Variants in PAG1 observed in about 807,000 individuals in gnomAD.
PAG1 encodes the protein phosphoprotein membrane anchor with glycosphingolipid microdomains 1.
PAG1 carries 23 observed loss-of-function variants against 31.7 expected under a neutral mutation model. That is an observed-to-expected ratio of 0.73 (90% CI 0.52 to 1.03). The LOEUF (loss-of-function observed/expected upper bound fraction) is 1.03, where lower values mean the gene tolerates loss of function less well. PAG1 is among the 50% of genes least tolerant of loss of function. The pLI is 0.00. For missense variants in PAG1, 473 were observed against 540.7 expected, an observed-to-expected ratio of 0.87 and a Z score of 1.24; for synonymous variants, 214 against 210.3, an observed-to-expected ratio of 1.02 and a Z score of -0.15.
At chr8:81,049,930 C>A (rs1205349707) in intron 2 of PAG1, among the ~76,000 whole-genome samples, 1 of 152,154 alleles carries the variant, frequency 6.6e-6, no homozygotes, top group Admixed American at 6.5e-5. Context: ...ACCTACCATA[C>A]AACAAACCCC....
chr8:81,024,370 C>T (rs1322975572), intron 3 of PAG1, among the ~76,000 whole-genome samples: 1 of 152,120 alleles, frequency 6.6e-6, no homozygotes. Context: ...ATCTGGAGAG[C>T]GGCTGACACC....
intron 2 of PAG1, among the ~76,000 whole-genome samples, chr8:81,057,877 A>G (rs1808853627): frequency 6.6e-6 from 1 of 152,304 alleles, no homozygotes; most frequent in Admixed American, 6.5e-5. Flanking sequence ...ACTTCTTTCC[A>G]CCATATATAT....
At chr8:81,084,596 G>A (rs1222011961) in intron 1 of PAG1, among the ~76,000 whole-genome samples, 2 of 152,054 alleles carry the variant, frequency 1.3e-5, no homozygotes, top group East Asian at 1.9e-4. Flanking sequence ...CCCTTAATAC[G>A]AGAGGTTTTT....
Position 80,973,992 on chromosome 8 carries a change from A to G in PAG1, c.*2552T>C, listed in dbSNP as rs1351044128. ...TTTAAAAGTACACTGAAAATACTTT[A>G]TATCACAGCTTATTCTAACCACTGG... is the stretch of plus-strand genomic sequence containing the variant. On this transcript the variant is annotated 3_prime_UTR_variant, in exon 9 of 9. Transcript: ENST00000220597. The G allele has an allele frequency of 6.6e-6, 1 of 152,190 alleles. No homozygotes were observed. The highest frequency in any genetic ancestry group is 2.4e-5 in the African/African-American group (1 of 41,438). The allele number at this position is 152,190 out of a possible 1,614,324, so 9.4% of individuals were successfully genotyped here.
chr8:81,049,383 A>G (rs1161811064), intron 2 of PAG1, among the ~76,000 whole-genome samples: 2 of 152,244 alleles, frequency 1.3e-5, no homozygotes, highest in Non-Finnish European at 2.9e-5. Context: ...AAAGCTATTA[A>G]TGTACAATGC....
intron 1 of PAG1, among the ~76,000 whole-genome samples, chr8:81,110,937 C>T (rs1809763639): frequency 6.6e-6 from 1 of 152,248 alleles, no homozygotes; most frequent in South Asian, 2.1e-4. Flanking sequence ...GGGAGGCTTA[C>T]ATAAGAGGTG....
At chr8:81,084,562 G>T (rs185836765) in intron 1 of PAG1, among the ~76,000 whole-genome samples, 18 of 152,194 alleles carry the variant, frequency 1.2e-4, no homozygotes, top group Admixed American at 1.1e-3. Flanking sequence ...CTTTTTCTAT[G>T]TGGGTGTCAT....
intron 1 of PAG1, among the ~76,000 whole-genome samples, chr8:81,104,751 G>T (rs1204856255): frequency 6.6e-6 from 1 of 152,140 alleles, no homozygotes; most frequent in Non-Finnish European, 1.5e-5. Flanking sequence ...ATCAGTGGGA[G>T]TTTAGACTTT....
In PAG1 at chr8:80,976,290, G is replaced by A; in HGVS notation, c.*254C>T. The A allele has an allele frequency of 2.4e-6, 1 of 417,896 alleles. No individual in the cohort carries two copies. The highest frequency in any genetic ancestry group is 2.0e-5 in the African/African-American group (1 of 49,290). The allele number at this position is 417,896 out of a possible 1,614,324, so 25.9% of individuals were successfully genotyped here. On this transcript the variant is annotated 3_prime_UTR_variant, in exon 9 of 9. Transcript: ENST00000220597. ...ACAGCTGGGATCTTTTGTGGGTGGT[G>A]AGGGTGCAGCAGGGAGATGTGCTTG...
chr8:80,982,828 G>A (rs942015860), intron 7 of PAG1, among the ~76,000 whole-genome samples: 2 of 152,120 alleles, frequency 1.3e-5, no homozygotes, highest in African/African-American at 4.8e-5. Flanking sequence ...GGATCCATCC[G>A]CAAATCTCTT....
intron 1 of PAG1, among the ~76,000 whole-genome samples, chr8:81,084,488 G>A (rs1042666889): frequency 1.3e-5 from 2 of 151,938 alleles, no homozygotes; most frequent in Non-Finnish European, 2.9e-5. Flanking sequence ...GTTCTCAAAA[G>A]GTACCCAAAT....
chr8:81,095,930 C>T (rs1809521854), intron 1 of PAG1, among the ~76,000 whole-genome samples: 1 of 152,208 alleles, frequency 6.6e-6, no homozygotes, highest in African/African-American at 2.4e-5. Flanking sequence ...AATGAATAAA[C>T]AGAATTTCTG....
intron 7 of PAG1, among the ~76,000 whole-genome samples, chr8:80,984,317 T>C (rs1807369125): frequency 6.6e-6 from 1 of 152,196 alleles, no homozygotes; most frequent in South Asian, 2.1e-4. Context: ...TGAAGGTTTG[T>C]ACAATCAGAT....
intron 1 of PAG1, among the ~76,000 whole-genome samples, chr8:81,084,803 C>G (rs557097806): frequency 1.3e-5 from 2 of 152,058 alleles, no homozygotes; most frequent in African/African-American, 4.8e-5. Flanking sequence ...CAGACAAGTG[C>G]CAAAAATTAC....
At chr8:81,056,122 A>G (rs1165949020) in intron 2 of PAG1, among the ~76,000 whole-genome samples, 4 of 152,174 alleles carry the variant, frequency 2.6e-5, no homozygotes, top group Admixed American at 6.5e-5. Flanking sequence ...ATTATTTTGA[A>G]ATATGTCCCA....
intron 2 of PAG1, among the ~76,000 whole-genome samples, chr8:81,065,449 T>G (rs1329440116): frequency 2.0e-5 from 3 of 152,028 alleles, no homozygotes; most frequent in Non-Finnish European, 4.4e-5. Flanking sequence ...CTGTTTAAAT[T>G]AGGGGAAAAA....
At chr8:81,028,789 A>G (rs1390284185) in intron 3 of PAG1, among the ~76,000 whole-genome samples, 1 of 152,226 alleles carries the variant, frequency 6.6e-6, no homozygotes, top group Non-Finnish European at 1.5e-5. Context: ...TATTACAGTG[A>G]ACAAACAATG....
chr8:80,987,282 C>T (rs1807444013), intron 6 of PAG1, 88 bp downstream of exon 6: 2 of 835,208 alleles, frequency 2.4e-6, no homozygotes, highest in South Asian at 1.4e-5. Context: ...TAACACATTT[C>T]CTACTTTTTG....
intron 2 of PAG1, among the ~76,000 whole-genome samples, chr8:81,040,420 C>T (rs1315437889): frequency 1.3e-5 from 2 of 152,110 alleles, no homozygotes; most frequent in Non-Finnish European, 1.5e-5. Flanking sequence ...CCTACGCTAC[C>T]TGTGCTTCTT....
Sources: gnomAD v4.1 joint callset for allele counts (sites outside exome capture counted in the v4.1 genomes callset) on GRCh38, gnomAD v4.1.1 for gene constraint, MANE v1.5 for transcripts, NCBI Gene and HGNC (gene_info 2026-07-23, HGNC 2026-07-21) for gene names.